SOD2: variants seen among roughly 807,000 people sequenced by gnomAD.
SOD2 encodes superoxide dismutase 2.
Under a neutral mutation model 27.0 loss-of-function variants are expected in SOD2, and 11 were observed. That is an observed-to-expected ratio of 0.41 (90% CI 0.26 to 0.67). The LOEUF (loss-of-function observed/expected upper bound fraction) is 0.67. Ranked by LOEUF, SOD2 falls within the 30% of genes least tolerant of loss-of-function variation. SOD2 has a pLI of 0.34. For synonymous variants in SOD2, 105 were observed against 103.0 expected, an observed-to-expected ratio of 1.02 and a Z score of -0.12; for missense variants, 250 against 274.5, an observed-to-expected ratio of 0.91 and a Z score of 0.63.
At chr6:159,730,283 T>TAATA (rs1778487263), upstream of SOD2, among the ~76,000 whole-genome samples, 1 of 152,252 alleles carries the variant, frequency 6.6e-6, no homozygotes, top group Non-Finnish European at 1.5e-5. Flanking sequence ...TTTTCTTTAT[T>TAATA]ATTTTCCTTC....
rs1190871123 is a variant in SOD2 at position 159,684,959 on chromosome 6, C to A, written c.418G>T (p.Val140Phe). 3 of 1,613,698 alleles carry A rather than the reference C, an allele frequency of 1.9e-6. No individual in the cohort carries two copies. Among genetic ancestry groups the A allele is most frequent in the South Asian group, 2.2e-5 (2 of 91,066 alleles). The change falls in exon 4 of 5, where the codon GTT becomes TTT. Residue 140 changes from valine (V) to phenylalanine (F), a missense_variant. Transcript: ENST00000538183. ...CCCCAACCTGAGCCTTGGACACCAA[C>A]AGATGCAGCCGTCAGCTTCTCCTTA... ...KFKEKLTAAS[V>F]GVQGSGWGWL... is the part of the protein sequence containing the mutation.
chr6:159,692,605 C>A (rs1248768924), intron 2 of SOD2, 56 bp downstream of exon 2: 6 of 1,601,914 alleles, frequency 3.7e-6, no homozygotes, highest in Non-Finnish European at 5.1e-6. Context: ...TGGGGCCTGG[C>A]TCCCTGGGGT....
At chr6:159,692,621 C>CT (rs769047375) in intron 2 of SOD2, 40 bp downstream of exon 2, 13 of 1,608,330 alleles carry the variant, frequency 8.1e-6, no homozygotes, top group Non-Finnish European at 1.0e-5. Flanking sequence ...GGGGTCGCCT[C>CT]TGCCGGGGAC....
intron 1 of SOD2, among the ~76,000 whole-genome samples, chr6:159,757,397 C>G (rs1780037758): frequency 2.0e-5 from 3 of 149,694 alleles, no homozygotes; most frequent in Admixed American, 6.8e-5. Context: ...CTTGATTAAC[C>G]TTTTCTTTTT....
chr6:159,711,649 A>C (rs377533575), intron 1 of SOD2, among the ~76,000 whole-genome samples: 805 of 19,286 alleles, frequency 0.042, 16 homozygotes, highest in Middle Eastern at 0.062. Flanking sequence ...ACCACCTCCA[A>C]TACCACCACT....
intron 1 of SOD2, chr6:159,741,923 G>A: frequency 1.8e-6 from 1 of 541,602 alleles, no homozygotes; most frequent in Non-Finnish European, 3.2e-6. Context: ...CTGCACTCCA[G>A]CCTGGGGGAC....
chr6:159,682,774 T>A (rs2114763742), intron 4 of SOD2, 136 bp from the exon 5 acceptor site: 1 of 753,158 alleles, frequency 1.3e-6, no homozygotes, highest in East Asian at 3.1e-5. Flanking sequence ...TTTTTTTATA[T>A]AAGTAGGAAA....
At chr6:159,720,909 T>C (rs983792038) in intron 1 of SOD2, among the ~76,000 whole-genome samples, 2 of 143,024 alleles carry the variant, frequency 1.4e-5, no homozygotes, top group African/African-American at 2.6e-5. Flanking sequence ...CAGGCTGTAG[T>C]GCAATGGCGC....
At chr6:159,729,981 G>A (rs569225037), upstream of SOD2, among the ~76,000 whole-genome samples, 64 of 152,260 alleles carry the variant, frequency 4.2e-4, no homozygotes, top group African/African-American at 1.5e-3. Flanking sequence ...CTGTGTTAAG[G>A]CATCAAGAGT....
intron 1 of SOD2, among the ~76,000 whole-genome samples, chr6:159,710,471 G>A (rs898553544): frequency 5.9e-5 from 9 of 151,818 alleles, no homozygotes; most frequent in South Asian, 2.1e-4. Context: ...AAAGAAAGAC[G>A]ACAGAGAAGC....
chr6:159,734,965 T>G (rs536237821), intron 1 of SOD2, among the ~76,000 whole-genome samples: 8 of 152,338 alleles, frequency 5.3e-5, no homozygotes, highest in Admixed American at 5.2e-4. Context: ...TAGCATTCGT[T>G]CTAAAAAACA....
At chr6:159,727,381 AGGCG>A (rs1778240892), upstream of SOD2, 69 of 684,372 alleles carry the variant, frequency 1.0e-4, no homozygotes, top group Admixed American at 4.8e-4. Context: ...GGCTGGCGGG[AGGCG>A]GGAGGCGGGA....
At chr6:159,705,348 A>G (rs1227203643) in intron 1 of SOD2, among the ~76,000 whole-genome samples, 1 of 152,262 alleles carries the variant, frequency 6.6e-6, no homozygotes, top group Non-Finnish European at 1.5e-5. Context: ...GTCTGAACCC[A>G]TCGCAAAGAA....
At chr6:159,757,419 CTTT>C (rs4038770) in intron 1 of SOD2, among the ~76,000 whole-genome samples, 1 of 143,482 alleles carries the variant, frequency 7.0e-6, no homozygotes. Context: ...TTCTTTTTCT[CTTT>C]TTTTTTTTTG....
At chr6:159,749,023 C>T (rs1347404899), upstream of SOD2, 28 of 1,001,668 alleles carry the variant, frequency 2.8e-5, no homozygotes, top group Non-Finnish European at 3.3e-5. Context: ...GTACAAGTAG[C>T]GCATATATTT....
chr6:159,693,119 C>G, intron 1 of SOD2, 26 bp downstream of exon 1: 1 of 1,527,708 alleles, frequency 6.5e-7, no homozygotes, highest in Non-Finnish European at 8.8e-7. Flanking sequence ...CCCTTGGGGC[C>G]GTGACCGGGT....
At chr6:159,699,557 C>T (rs796805566) in intron 1 of SOD2, among the ~76,000 whole-genome samples, 31 of 150,642 alleles carry the variant, frequency 2.1e-4, no homozygotes, top group African/African-American at 6.8e-4. Context: ...TACTACTCCA[C>T]GAGAAAAAAA....
intron 1 of SOD2, among the ~76,000 whole-genome samples, chr6:159,711,695 C>T (rs867004201): frequency 2.4e-3 from 276 of 116,316 alleles, no homozygotes; most frequent in African/African-American, 8.4e-3. Flanking sequence ...CCTCCATAAC[C>T]ACCACTCACA....
chr6:159,720,526 C>T (rs912086579), intron 1 of SOD2: 1 of 152,812 alleles, frequency 6.5e-6, no homozygotes, highest in African/African-American at 2.4e-5. Flanking sequence ...AGTGCAACCC[C>T]AAGAAAAGGA....
Sources: allele counts gnomAD v4.1 joint callset (sites outside exome capture counted in the v4.1 genomes callset), GRCh38; gene constraint gnomAD v4.1.1; transcripts MANE v1.5; gene names NCBI Gene and HGNC (gene_info 2026-07-23, HGNC 2026-07-21).